The following ISM1 variants were observed in gnomAD, a reference collection of about 807,000 sequenced individuals.
ISM1 encodes the protein isthmin-1.
Under a neutral mutation model 46.3 loss-of-function variants are expected in ISM1, and 25 were observed. The observed-to-expected ratio is 0.54, with a 90% CI of 0.39 to 0.75. The LOEUF (loss-of-function observed/expected upper bound fraction) is 0.75, where lower values mean the gene tolerates loss of function less well. ISM1 is among the 30% of genes least tolerant of loss of function. ISM1 has a pLI of 0.00. For synonymous variants in ISM1, 255 were observed against 256.7 expected (o/e 0.99, Z 0.06); for missense variants, 536 against 625.4 (o/e 0.86, Z 1.52).
the ISM1 span, among the ~76,000 whole-genome samples, chr20:13,309,099 A>G: frequency 6.6e-6 from 1 of 152,302 alleles, no homozygotes; most frequent in Admixed American, 6.5e-5. Context: ...AAAGTAGTAT[A>G]CAATTTTAAT....
intron 1 of ISM1, among the ~76,000 whole-genome samples, chr20:13,264,514 T>G (rs757071205): frequency 6.6e-6 from 1 of 152,226 alleles, no homozygotes; most frequent in Non-Finnish European, 1.5e-5. Context: ...GTGCTCATCC[T>G]AATTTGCCCT....
Position 13,299,362 on chromosome 20 carries a change from A to G in ISM1, c.1298A>G (p.Tyr433Cys). ...WIICKGDWSR[Y>C]NEARPPNNGQ... ...ATCTGCAAGGGTGACTGGAGCAGGT[A>G]TAACGAGGCCCGGCCTCCCAACAAC... Residue 433 changes from tyrosine (Y) to cysteine (C), a missense_variant, in exon 6 of 6, where the codon TAT becomes TGT. Physicochemically the swap from Tyr to Cys is radical, Grantham distance 194. Coordinates refer to ENST00000262487, the MANE Select transcript of ISM1 (RefSeq NM_080826.2). The surrounding 1 kb of genome is among the most constrained non-coding windows in gnomAD (Gnocchi z 5.8). The G allele has an allele frequency of 6.2e-7, 1 of 1,613,890 alleles. No homozygotes were observed. Among genetic ancestry groups the G allele is most frequent in the Non-Finnish European group, 8.5e-7 (1 of 1,179,892 alleles).
intron 1 of ISM1, among the ~76,000 whole-genome samples, chr20:13,268,763 T>C (rs1323653319): frequency 1.3e-5 from 2 of 152,062 alleles, no homozygotes. Context: ...TAAAAATCCA[T>C]TCGCAGCTGG....
At chr20:13,242,147 G>C (rs1414942636) in intron 1 of ISM1, among the ~76,000 whole-genome samples, 3 of 152,142 alleles carry the variant, frequency 2.0e-5, no homozygotes, top group Admixed American at 2.0e-4. Flanking sequence ...GAGGGTGGTT[G>C]AGATGCAGTA....
At chr20:13,258,946 T>C (rs1035779368) in intron 1 of ISM1, among the ~76,000 whole-genome samples, 3 of 152,054 alleles carry the variant, frequency 2.0e-5, no homozygotes, top group Admixed American at 6.5e-5. Context: ...GAGCATAACA[T>C]GGTGATGTTA....
chr20:13,241,618 TC>T (rs2039724657), intron 1 of ISM1, among the ~76,000 whole-genome samples: 2 of 152,116 alleles, frequency 1.3e-5, no homozygotes, highest in African/African-American at 4.8e-5. Flanking sequence ...TGACTCCTGT[TC>T]CATCAGTGAA....
Position 13,288,059 on chromosome 20 carries a change from C to A in ISM1, c.644-481C>A, listed in dbSNP as rs576428384. Among the ~76,000 whole-genome samples the A allele has an allele frequency of 2.8e-4, 42 of 152,282 alleles. 1 individual carries two copies. The South Asian group carries it at 8.5e-3, about 31-fold the overall frequency. On this transcript the variant is annotated intron_variant, in intron 3 of 5. Coordinates refer to ENST00000262487, the MANE Select transcript of ISM1 (RefSeq NM_080826.2). ...GATGTCCCATAATTCACAGGTCTAGCATGGACATCTTTCACAGTAACTGGA... is the reference window on the plus strand; with the variant it reads ...GATGTCCCATAATTCACAGGTCTAGAATGGACATCTTTCACAGTAACTGGA...
chr20:13,273,284 C>T (rs117739416), intron 2 of ISM1, among the ~76,000 whole-genome samples: 2,991 of 89,074 alleles, frequency 0.034, 38 homozygotes, highest in Non-Finnish European at 0.049. Context: ...ACCTATGCTA[C>T]GGTACAGTTG....
At chr20:13,263,447 T>C (rs2040010078) in intron 1 of ISM1, among the ~76,000 whole-genome samples, 1 of 152,142 alleles carries the variant, frequency 6.6e-6, no homozygotes, top group South Asian at 2.1e-4. Flanking sequence ...AAAACTCACT[T>C]TATTCATTCT....
chr20:13,294,668 T>C (rs903972342), intron 5 of ISM1, among the ~76,000 whole-genome samples: 8 of 152,092 alleles, frequency 5.3e-5, no homozygotes, highest in Non-Finnish European at 1.0e-4. Flanking sequence ...CTTGCAAAGG[T>C]ACAAGCAGAG....
In ISM1 at chr20:13,282,063, C is replaced by G. The variant is rs369194495; in HGVS notation, c.643+2165C>G. The stretch of plus-strand genomic sequence containing the variant: ...ACCCAGAAATCCGTTTGAACAAGCC[C>G]TCCAGGCACTCTGCTGCATTGCGCA... On this transcript the variant is annotated intron_variant, in intron 3 of 5. Transcript: ENST00000262487. Among the ~76,000 whole-genome samples the G allele has an allele frequency of 3.5e-4, 53 of 152,264 alleles. No homozygotes were observed. The East Asian group carries it at 6.4e-3, about 18-fold the overall frequency.
In ISM1 at chr20:13,299,171, C is replaced by T. The variant is rs1239817199; in HGVS notation, c.1107C>T (p.Ile369=). Residue 369 remains isoleucine, a synonymous_variant, in exon 6 of 6, where the codon ATC becomes ATT. Transcript: ENST00000262487. This position sits in a 1 kb window ranked among gnomAD's most constrained non-coding sequence, Gnocchi z 5.8. ...EIYKPTARYC[I]RSMLSLESTT... ...ACAAGCCCACTGCCCGGTACTGCATCCGCTCCATGCTGTCCCTGGAGAGCA... is the reference window on the plus strand; with the variant it reads ...ACAAGCCCACTGCCCGGTACTGCATTCGCTCCATGCTGTCCCTGGAGAGCA... 11 of 1,608,528 alleles carry T rather than the reference C, an allele frequency of 6.8e-6. No homozygotes were observed. Among genetic ancestry groups the T allele is most frequent in the Admixed American group, 5.1e-5 (3 of 59,134 alleles).
At chr20:13,223,188 A>T (rs926778794) in intron 1 of ISM1, among the ~76,000 whole-genome samples, 11 of 147,184 alleles carry the variant, frequency 7.5e-5, no homozygotes, top group African/African-American at 2.3e-4. Context: ...AAAATAAAAT[A>T]AAATAAATAA....
the ISM1 span, among the ~76,000 whole-genome samples, chr20:13,325,557 C>G: frequency 6.6e-6 from 1 of 152,106 alleles, no homozygotes; most frequent in Non-Finnish European, 1.5e-5. Context: ...GAACAGTTAC[C>G]TAGTTGTCCC....
In ISM1 at chr20:13,299,574, T is replaced by C; in HGVS notation, c.*115T>C. The C allele has an allele frequency of 1.0e-6, 1 of 967,252 alleles. No individual in the cohort carries two copies. The highest frequency in any genetic ancestry group is 1.5e-6 in the Non-Finnish European group (1 of 647,710). The allele number at this position is 967,252 out of a possible 1,614,324, so 59.9% of individuals were successfully genotyped here. ...AGCTGCGGTCGTGTATATTTGTATA[T>C]ACCACATGAGTATTTCTCATACATT... is the stretch of plus-strand genomic sequence containing the variant. On this transcript the variant is annotated 3_prime_UTR_variant, in exon 6 of 6. Coordinates refer to ENST00000262487, the MANE Select transcript of ISM1 (RefSeq NM_080826.2). This position sits in a 1 kb window ranked among gnomAD's most constrained non-coding sequence, Gnocchi z 5.8.
rs889269233 is a variant in ISM1 at position 13,225,285 on chromosome 20, GTTATT to G, written c.138+3376_138+3380del. Among the ~76,000 whole-genome samples, 74 of 152,156 alleles carry G rather than the reference GTTATT, an allele frequency of 4.9e-4. 2 individuals carry two copies. The highest frequency in any genetic ancestry group is 1.5e-3 in the African/African-American group (64 of 41,486). The stretch of plus-strand genomic sequence containing the variant: ...GCTAGAAGCTTCTTCATTTATTTTC[GTTATT>G]TTATAGTGGGGAGCTATTTGAAGCA... On this transcript the variant is annotated intron_variant, in intron 1 of 5. Coordinates refer to ENST00000262487, the MANE Select transcript of ISM1 (RefSeq NM_080826.2).
chr20:13,308,043 A>G, the ISM1 span, among the ~76,000 whole-genome samples: 1 of 152,144 alleles, frequency 6.6e-6, no homozygotes, highest in South Asian at 2.1e-4. Flanking sequence ...GAGTGTTTGA[A>G]AGTTCCCATT....
intron 1 of ISM1, among the ~76,000 whole-genome samples, chr20:13,229,135 CT>C (rs1256841073): frequency 1.3e-4 from 19 of 145,526 alleles, no homozygotes; most frequent in African/African-American, 4.9e-4. Flanking sequence ...TCTTTCTTCT[CT>C]TCTCTCTCTC....
chr20:13,321,257 A>ATT, the ISM1 span, among the ~76,000 whole-genome samples: 12 of 147,156 alleles, frequency 8.2e-5, no homozygotes, highest in African/African-American at 2.5e-4. Context: ...CCCACATAAA[A>ATT]AAAAAAAAAA....
Sources: allele counts gnomAD v4.1 joint callset (sites outside exome capture counted in the v4.1 genomes callset), GRCh38; gene constraint gnomAD v4.1.1; non-coding constraint Gnocchi (gnomAD v3.1); transcripts MANE v1.5; gene names NCBI Gene and HGNC (gene_info 2026-07-23, HGNC 2026-07-21).